CACNA2D1: variants seen among roughly 807,000 people sequenced by gnomAD.
CACNA2D1 encodes calcium voltage-gated channel auxiliary subunit alpha2delta 1, also known as voltage-dependent calcium channel subunit alpha-2/delta-1.
In CACNA2D1, 53 loss-of-function variants were observed where a neutral mutation model predicts 171.5. That is an observed-to-expected ratio of 0.31 (90% CI 0.25 to 0.39). The LOEUF (loss-of-function observed/expected upper bound fraction) is 0.39, where lower values mean the gene tolerates loss of function less well. CACNA2D1 is among the 10% of genes least tolerant of loss of function. The pLI, the probability that CACNA2D1 is intolerant of heterozygous loss-of-function variation, is 1.00. For synonymous variants in CACNA2D1, 442 were observed against 443.1 expected, an observed-to-expected ratio of 1.00 and a Z score of 0.03; for missense variants, 903 against 1,299.8, an observed-to-expected ratio of 0.69 and a Z score of 4.69.
At chr7:82,182,968 C>T (rs1797301117) in intron 3 of CACNA2D1, among the ~76,000 whole-genome samples, 1 of 148,808 alleles carries the variant, frequency 6.7e-6, no homozygotes, top group South Asian at 2.1e-4. Context: ...ACCTGGGAGG[C>T]GGAAGATGCA....
intron 7 of CACNA2D1, among the ~76,000 whole-genome samples, chr7:82,075,426 C>CCCCCA (rs1299499512): frequency 2.0e-5 from 3 of 152,106 alleles, no homozygotes; most frequent in African/African-American, 7.2e-5. Context: ...ATAATGCAGT[C>CCCCCA]ATTAAGTGAC....
chr7:82,125,282 G>C (rs973065079), intron 5 of CACNA2D1, among the ~76,000 whole-genome samples: 23 of 152,152 alleles, frequency 1.5e-4, no homozygotes, highest in Non-Finnish European at 3.2e-4. Flanking sequence ...TTGAATTTTA[G>C]ACAGATCTTG....
intron 10 of CACNA2D1, among the ~76,000 whole-genome samples, chr7:82,046,549 T>A (rs1354923685): frequency 2.6e-5 from 4 of 152,174 alleles, no homozygotes; most frequent in Non-Finnish European, 5.9e-5. Flanking sequence ...ACTGATTCAA[T>A]TATCTCCCCT....
At chr7:82,092,772 T>C (rs908442880) in intron 6 of CACNA2D1, among the ~76,000 whole-genome samples, 5 of 151,924 alleles carry the variant, frequency 3.3e-5, no homozygotes, top group Non-Finnish European at 7.4e-5. Context: ...TATTCTATAT[T>C]TTAGAGTAAT....
chr7:82,390,141 ACT>A (rs1824928271), intron 1 of CACNA2D1, among the ~76,000 whole-genome samples: 1 of 152,170 alleles, frequency 6.6e-6, no homozygotes, highest in African/African-American at 2.4e-5. Context: ...TCAGTAGAAC[ACT>A]CTACTCAAAG....
chr7:82,274,040 C>G (rs1412040617), intron 3 of CACNA2D1, among the ~76,000 whole-genome samples: 1 of 152,180 alleles, frequency 6.6e-6, no homozygotes, highest in East Asian at 1.9e-4. Context: ...GGCTACCCCT[C>G]TGAACTCTCC....
At chr7:81,984,306 A>G (rs1214028645) in intron 22 of CACNA2D1, among the ~76,000 whole-genome samples, 1 of 152,212 alleles carries the variant, frequency 6.6e-6, no homozygotes, top group Non-Finnish European at 1.5e-5. Flanking sequence ...GTTGATAAGT[A>G]GCATGTGAAA....
chr7:82,122,775 C>T (rs1457882684), intron 5 of CACNA2D1, among the ~76,000 whole-genome samples: 3 of 152,182 alleles, frequency 2.0e-5, no homozygotes, highest in South Asian at 2.1e-4. Context: ...CATGTAGTAG[C>T]ATGCATTATA....
intron 1 of CACNA2D1, among the ~76,000 whole-genome samples, chr7:82,404,894 G>C (rs551670729): frequency 6.6e-6 from 1 of 152,270 alleles, no homozygotes; most frequent in Non-Finnish European, 1.5e-5. Flanking sequence ...TGTCATTCAA[G>C]TACTAAATTT....
At chr7:82,410,399 G>T in intron 1 of CACNA2D1, 1 of 402,270 alleles carries the variant, frequency 2.5e-6, no homozygotes, top group Non-Finnish European at 3.4e-6. Context: ...ATTAAATATT[G>T]TTTATCACTT....
At chr7:82,258,876 G>GT (rs1806696678) in intron 3 of CACNA2D1, among the ~76,000 whole-genome samples, 1 of 137,254 alleles carries the variant, frequency 7.3e-6, no homozygotes, top group African/African-American at 2.8e-5. Flanking sequence ...CTGGAGTGAA[G>GT]TGGCACAATG....
intron 3 of CACNA2D1, among the ~76,000 whole-genome samples, chr7:82,323,539 C>A (rs1045452660): frequency 2.6e-5 from 4 of 152,118 alleles, no homozygotes; most frequent in African/African-American, 7.2e-5. Context: ...AGTGAGGACT[C>A]CACATTCAGA....
intron 4 of CACNA2D1, among the ~76,000 whole-genome samples, chr7:82,137,498 C>T (rs570869871): frequency 6.6e-6 from 1 of 152,090 alleles, no homozygotes; most frequent in South Asian, 2.1e-4. Context: ...GTTCATCTTC[C>T]ACATGTCTTC....
intron 10 of CACNA2D1, among the ~76,000 whole-genome samples, chr7:82,040,353 T>C (rs1584508300): frequency 6.7e-6 from 1 of 148,428 alleles, no homozygotes; most frequent in East Asian, 2.0e-4. Context: ...CAATTTAGGG[T>C]GAGGTTTCAA....
chr7:82,395,465 T>C (rs566052189), intron 1 of CACNA2D1, among the ~76,000 whole-genome samples: 2 of 152,324 alleles, frequency 1.3e-5, no homozygotes, highest in African/African-American at 4.8e-5. Context: ...TTAGTAGTAA[T>C]TCAACGTAAT....
intron 1 of CACNA2D1, among the ~76,000 whole-genome samples, chr7:82,431,741 T>C (rs1829695122): frequency 6.6e-6 from 1 of 151,912 alleles, no homozygotes. Context: ...GAAGGTTAGA[T>C]GGATTAAAAA....
At chr7:82,315,858 CT>C (rs1815053605) in intron 3 of CACNA2D1, among the ~76,000 whole-genome samples, 1 of 152,068 alleles carries the variant, frequency 6.6e-6, no homozygotes, top group South Asian at 2.1e-4. Flanking sequence ...CAAAATTTAA[CT>C]TGATACTTTT....
rs780748693 is a variant in CACNA2D1 at position 82,443,400 on chromosome 7, G to A, written c.60C>T (p.Gly20=). 3.9e-5 allele frequency: 63 copies of A among 1,605,992 alleles called. 1 individual carries two copies. In the Admixed American group the frequency reaches 8.8e-4, roughly 22 times the overall value. ...TLTLFQSLLI[G]PSSEEPFPSA... ...AAGGGAACGGCTCCTCCGACGAGGG[G>A]CCGATGAGCAAAGATTGGAAAAGTG... The change falls in exon 1 of 39, where the codon GGC becomes GGT. Residue 20 remains glycine (G), a synonymous_variant. Transcript: ENST00000356860.
chr7:82,081,936 T>C (rs1341599962), intron 7 of CACNA2D1, among the ~76,000 whole-genome samples: 1 of 152,160 alleles, frequency 6.6e-6, no homozygotes, highest in Non-Finnish European at 1.5e-5. Context: ...GTGGGGCTTG[T>C]GGTTAGACCA....
Sources: allele counts gnomAD v4.1 joint callset (sites outside exome capture counted in the v4.1 genomes callset), GRCh38; gene constraint gnomAD v4.1.1; transcripts MANE v1.5; gene names NCBI Gene and HGNC (gene_info 2026-07-23, HGNC 2026-07-21).